TGM5: variants seen among roughly 807,000 people sequenced by gnomAD.
The protein encoded by TGM5 is protein-glutamine gamma-glutamyltransferase 5.
A neutral mutation model predicts 77.2 loss-of-function variants in TGM5; 69 were observed. That is an observed-to-expected ratio of 0.89 (90% confidence interval 0.74 to 1.09). The LOEUF (loss-of-function observed/expected upper bound fraction) is 1.09, where lower values mean the gene tolerates loss of function less well. Ranked by LOEUF, TGM5 falls within the 50% of genes least tolerant of loss-of-function variation. The pLI is 0.00. For synonymous variants in TGM5, 346 were observed against 351.8 expected (o/e 0.98, Z 0.18); for missense variants, 842 against 896.5 (o/e 0.94, Z 0.78).
chr15:43,253,561 G>A lies in TGM5; in HGVS notation c.629C>T (p.Thr210Ile). The A allele has an allele frequency of 6.2e-7, 1 of 1,613,862 alleles. No homozygotes were observed. Among genetic ancestry groups the A allele is most frequent in the Non-Finnish European group, 8.5e-7 (1 of 1,180,038 alleles). Residue 210 changes from threonine (T) to isoleucine (I), a missense_variant, in exon 5 of 13, where the codon ACA becomes ATA. Coordinates refer to ENST00000220420, the MANE Select transcript of TGM5 (RefSeq NM_201631.4). ...KSLHFQTDPA[T>I]DCALRGSPVY... The stretch of plus-strand genomic sequence containing the variant: ...GGGGCTTCCCCGCAGAGCACAGTCT[G>A]TGGCTGGGTCAGTCTGGAAGTGCAG...
intron 1 of TGM5, among the ~76,000 whole-genome samples, chr15:43,264,640 T>A (rs748528369): frequency 6.6e-6 from 1 of 152,150 alleles, no homozygotes; most frequent in Non-Finnish European, 1.5e-5. Flanking sequence ...TGACTGCCAA[T>A]GTGTATGGGA....
rs754746539 is a variant in TGM5 at position 43,266,863 on chromosome 15, G to A, written c.-14C>T. 1.2e-5 allele frequency: 20 copies of A among 1,613,880 alleles called. No homozygotes were observed. In the East Asian group the frequency reaches 1.3e-4, roughly 11 times the overall value. On this transcript the variant is annotated 5_prime_UTR_variant, in exon 1 of 13. Coordinates refer to ENST00000220420, the MANE Select transcript of TGM5 (RefSeq NM_201631.4). ...ACCTTGGGCCATGGTAGCTGCCTCC[G>A]GTTCCTGGGATGCTCCCCACAGAAC...
intron 1 of TGM5, among the ~76,000 whole-genome samples, chr15:43,261,060 C>CTTTTTTTTTTTTTTTTTTTTT (rs199676346): frequency 2.2e-5 from 2 of 90,618 alleles, no homozygotes; most frequent in African/African-American, 6.3e-5. Flanking sequence ...GCTGCTCTTC[C>CTTTTTTTTTTTTTTTTTTTTT]TTTTTTTGTG....
chr15:43,264,639 A>G (rs1378548274), intron 1 of TGM5, among the ~76,000 whole-genome samples: 1 of 152,216 alleles, frequency 6.6e-6, no homozygotes, highest in Non-Finnish European at 1.5e-5. Flanking sequence ...GTGACTGCCA[A>G]TGTGTATGGG....
Position 43,239,269 on chromosome 15 carries a change from G to T in TGM5, c.1002-3C>A. ...ACTCATTCCAGACATGGAAGTTCCT[G>T]TGTCAAACAGAGCCAAGGGAGACGT... On this transcript the variant is annotated splice_region_variant and splice_polypyrimidine_tract_variant and intron_variant, in intron 7 of 12. Transcript: ENST00000220420. The T allele has an allele frequency of 1.9e-6, 3 of 1,614,108 alleles. No homozygotes were observed. The highest frequency in any genetic ancestry group is 2.5e-6 in the Non-Finnish European group (3 of 1,179,996).
At chr15:43,245,747 C>T (rs1437840170) in intron 6 of TGM5, among the ~76,000 whole-genome samples, 4 of 152,076 alleles carry the variant, frequency 2.6e-5, no homozygotes, top group Non-Finnish European at 1.5e-5. Context: ...GGATATCAAC[C>T]TTGAAGGAGC....
At position 43,241,929 on chromosome 15, in the gene TGM5, C is replaced by T. The variant is rs1046384228; in HGVS notation, c.863-939G>A. 1.5e-3 allele frequency among the ~76,000 whole-genome samples: 227 copies of T among 152,254 alleles called. 1 individual carries two copies. The highest frequency in any genetic ancestry group is 5.2e-3 in the African/African-American group (218 of 41,540). ...TGCTGGGATTACAGGCGTGAGCCAC[C>T]GCGCCCGGCCTCTGTGCTCTTTTAA... On this transcript the variant is annotated intron_variant, in intron 6 of 12. Transcript: ENST00000220420.
At position 43,256,592 on chromosome 15, in the gene TGM5, G is replaced by A; in HGVS notation, c.531C>T (p.Arg177=). The change falls in exon 4 of 13, where the codon CGC becomes CGT. Residue 177 remains arginine (R), a synonymous_variant. Coordinates refer to ENST00000220420, the MANE Select transcript of TGM5 (RefSeq NM_201631.4). ...FIYQGSKNWI[R]PCPWNYGQFE... ...CCTGTCCATAGTTCCAGGGACATGG[G>A]CGGATCCAGTTCTTGCTGCCTTGGT... is the stretch of plus-strand genomic sequence containing the variant. 6.2e-7 allele frequency: 1 copy of A among 1,614,118 alleles called. No individual in the cohort carries two copies. The highest frequency in any genetic ancestry group is 2.2e-5 in the East Asian group (1 of 44,882).
In TGM5 at chr15:43,234,316, G is replaced by A. The variant is rs115439495; in HGVS notation, c.1875+453C>T. ...AAGACCGCAGAATGTCAGAGCAGGC[G>A]GGGTCCTCAGAGGCCATCTAGCCTA... is the stretch of plus-strand genomic sequence containing the variant. On this transcript the variant is annotated intron_variant, in intron 11 of 12. Transcript: ENST00000220420. Among the ~76,000 whole-genome samples, 354 of 152,224 alleles carry A rather than the reference G, an allele frequency of 2.3e-3. 1 individual carries two copies. Among genetic ancestry groups the A allele is most frequent in the African/African-American group, 8.1e-3 (338 of 41,522 alleles).
chr15:43,241,513 G>T (rs1242341399), intron 6 of TGM5, among the ~76,000 whole-genome samples: 2 of 152,164 alleles, frequency 1.3e-5, no homozygotes, highest in Non-Finnish European at 2.9e-5. Context: ...AAGCCAAGAG[G>T]AAAGAAAACC....
chr15:43,262,133 C>T (rs972115012), intron 1 of TGM5, among the ~76,000 whole-genome samples: 4 of 152,230 alleles, frequency 2.6e-5, no homozygotes, highest in Admixed American at 6.5e-5. Flanking sequence ...TTCCACCTGT[C>T]CTCCAATACC....
chr15:43,253,785 A>C (rs2042724638), intron 4 of TGM5, 151 bp from the exon 5 acceptor site: 3 of 1,084,932 alleles, frequency 2.8e-6, no homozygotes, highest in Non-Finnish European at 4.1e-6. Flanking sequence ...CCTCCCATTC[A>C]GGTGTGGGGT....
intron 11 of TGM5, 74 bp downstream of exon 11, chr15:43,234,695 C>T (rs1429149886): frequency 1.3e-6 from 2 of 1,596,666 alleles, no homozygotes; most frequent in African/African-American, 1.3e-5. Context: ...CCCAGGCTGC[C>T]CTCTCACAGG....
rs200175407 is a variant in TGM5 at position 43,239,054 on chromosome 15, C to T, written c.1108G>A (p.Val370Ile). 71 of 1,614,040 alleles carry T rather than the reference C, an allele frequency of 4.4e-5. No individual in the cohort carries two copies. Among genetic ancestry groups the T allele is most frequent in the Middle Eastern group, 1.6e-4 (1 of 6,062 alleles). Reference sequence around the variant, plus strand: ...ACAGAGGCAGGGCCACAGCAGTAGACGCCTGAAGGAGAACAGGGGAGCCTC... The same window carrying T: ...ACAGAGGCAGGGCCACAGCAGTAGATGCCTGAAGGAGAACAGGGGAGCCTC... ...DATPQEMSNG[V>I]YCCGPASVRA... is the part of the protein sequence containing the mutation. Residue 370 changes from valine to isoleucine, a missense_variant and splice_region_variant, in exon 9 of 13, where the codon GTC becomes ATC. Val to Ile is a conservative substitution (Grantham distance 29, BLOSUM62 3). Around this residue, in one of 2 missense-constraint regions of TGM5, gnomAD observed 815 missense variants for 844.6 expected, o/e 0.96. Coordinates refer to ENST00000220420, the MANE Select transcript of TGM5 (RefSeq NM_201631.4).
In TGM5 at chr15:43,238,968, CATCGAA is replaced by C; in HGVS notation, c.1188_1193del (p.Phe396_Met398delinsLeu). 1.2e-6 allele frequency: 2 copies of C among 1,614,216 alleles called. No individual in the cohort carries two copies. The highest frequency in any genetic ancestry group is 1.7e-6 in the Non-Finnish European group (2 of 1,180,046). ...GCCAGGACATGCAGTCAGCATTCAC[CATCGAA>C]AACACAAAGGGCGTGTCATAGTTCA... On this transcript the variant is annotated inframe_deletion, in exon 9 of 13. Transcript: ENST00000220420.
intron 7 of TGM5, 62 bp downstream of exon 7, chr15:43,240,790 C>G: frequency 1.2e-6 from 2 of 1,609,828 alleles, no homozygotes; most frequent in Non-Finnish European, 1.7e-6. Flanking sequence ...TGCCCTTCCT[C>G]CTGCCATGGG....
intron 6 of TGM5, among the ~76,000 whole-genome samples, chr15:43,251,642 G>A (rs2142372208): frequency 6.6e-6 from 1 of 152,298 alleles, no homozygotes; most frequent in East Asian, 1.9e-4. Flanking sequence ...CAAGCCAAGA[G>A]GCCGAGAGCA....
At chr15:43,236,416 T>A (rs3784267) in intron 9 of TGM5, among the ~76,000 whole-genome samples, 21,096 of 152,040 alleles carry the variant, frequency 0.14, 1,760 homozygotes, top group African/African-American at 0.23. Context: ...GCGTGCAGAG[T>A]TCCCAGGGTG....
At chr15:43,245,171 A>G (rs2042662151) in intron 6 of TGM5, among the ~76,000 whole-genome samples, 1 of 152,060 alleles carries the variant, frequency 6.6e-6, no homozygotes, top group African/African-American at 2.4e-5. Context: ...CTAATTTTAT[A>G]AGAAAATTCA....
Sources: gnomAD v4.1 joint callset for allele counts (sites outside exome capture counted in the v4.1 genomes callset) on GRCh38, gnomAD v4.1.1 for gene constraint, gnomAD v4.1.1 regional missense constraint, MANE v1.5 for transcripts, NCBI Gene and HGNC (gene_info 2026-07-23, HGNC 2026-07-21) for gene names.